GGTLC2: variants seen among roughly 807,000 people sequenced by gnomAD.
GGTLC2 encodes the protein glutathione hydrolase light chain 2.
Under a neutral mutation model 20.2 loss-of-function variants are expected in GGTLC2, and 13 were observed. The observed-to-expected ratio is 0.64, with a 90% CI of 0.42 to 1.02. The LOEUF (loss-of-function observed/expected upper bound fraction) is 1.02, where lower values mean the gene tolerates loss of function less well. Ranked by LOEUF, GGTLC2 falls within the 50% of genes least tolerant of loss-of-function variation. The pLI is 0.00. For missense variants in GGTLC2, 202 were observed against 301.3 expected, an observed-to-expected ratio of 0.67 and a Z score of 2.44; for synonymous variants, 89 against 125.5, an observed-to-expected ratio of 0.71 and a Z score of 1.94.
At position 22,647,085 on chromosome 22, in the gene GGTLC2, C is replaced by A. The variant is rs147969594; in HGVS notation, c.360+47C>A. The A allele has an allele frequency of 1.7e-3, 2,758 of 1,610,910 alleles. 14 individuals carry two copies. The highest frequency in any genetic ancestry group is 4.6e-3 in the African/African-American group (341 of 74,916). On this transcript the variant is annotated intron_variant, in intron 4 of 5. Coordinates refer to ENST00000448514, the MANE Select transcript of GGTLC2 (RefSeq NM_199127.3). ...GCTGGGGGCACACAGATCACCACAG[C>A]CACTGCACTGATATGTGTCACCCCT...
intron 1 of GGTLC2, among the ~76,000 whole-genome samples, chr22:22,645,114 C>T (rs1357644604): frequency 1.2e-5 from 1 of 83,140 alleles, no homozygotes; most frequent in Non-Finnish European, 2.3e-5. Context: ...GGATGATCTC[C>T]ATCTCCTGAC....
At chr22:22,646,706 G>A (rs1317906301) in intron 2 of GGTLC2, 48 bp from the exon 3 acceptor site, 1 of 1,598,372 alleles carries the variant, frequency 6.3e-7, no homozygotes, top group African/African-American at 1.3e-5. Context: ...ATAGGGACCA[G>A]GCTGGGCCAG....
intron 4 of GGTLC2, 40 bp from the exon 5 acceptor site, chr22:22,647,101 T>G (rs1449591336): frequency 6.2e-7 from 1 of 1,611,600 alleles, no homozygotes; most frequent in Non-Finnish European, 8.5e-7. Flanking sequence ...CACTGATATG[T>G]GTCACCCCTT....
chr22:22,646,029 T>G (rs4820511), intron 1 of GGTLC2: 57,380 of 801,620 alleles, frequency 0.072, 3,977 homozygotes, highest in South Asian at 0.24. Context: ...ATTCCCCAGT[T>G]CCAGGCATGC....
chr22:22,645,407 A>T (rs2064030192), intron 1 of GGTLC2, among the ~76,000 whole-genome samples: 1 of 141,446 alleles, frequency 7.1e-6, no homozygotes, highest in African/African-American at 2.6e-5. Context: ...TTATTTATTT[A>T]TTTTTTTTAT....
At chr22:22,646,050 C>G (rs4820513) in intron 1 of GGTLC2, 12 of 1,143,398 alleles carry the variant, frequency 1.0e-5, no homozygotes, top group South Asian at 3.4e-5. Flanking sequence ...AGTGCAAATT[C>G]TAGAAATATT....
At chr22:22,645,802 G>A (rs2064054359) in intron 1 of GGTLC2, among the ~76,000 whole-genome samples, 1 of 151,212 alleles carries the variant, frequency 6.6e-6, no homozygotes, top group Non-Finnish European at 1.5e-5. Flanking sequence ...TCGCTCACCA[G>A]CCTATACCAC....
intron 1 of GGTLC2, among the ~76,000 whole-genome samples, chr22:22,644,913 T>C (rs1176738764): frequency 3.3e-4 from 31 of 95,364 alleles, no homozygotes; most frequent in South Asian, 1.4e-3. Context: ...TTTTTTGAGA[T>C]GGAGTCTCCC....
chr22:22,646,012 C>G (rs1273501807), intron 1 of GGTLC2: 2 of 621,046 alleles, frequency 3.2e-6, no homozygotes, highest in Non-Finnish European at 5.0e-6. Context: ...GTGTCTGTTC[C>G]CTGTTGATTC....
At chr22:22,644,770 C>T (rs1243181160) in intron 1 of GGTLC2, 62 bp downstream of exon 1, 1 of 64,862 alleles carries the variant, frequency 1.5e-5, no homozygotes, top group Non-Finnish European at 2.6e-5. Flanking sequence ...ACAATGGCGG[C>T]AGATCTGCCC....
rs1281119862 is a variant in GGTLC2, at chr22:22,647,754, G to C, written c.*13G>C. On this transcript the variant is annotated 3_prime_UTR_variant, in exon 6 of 6. Transcript: ENST00000448514. ...TGCCGGCTACTGAGTGCTCCAGGAGGACAAGGCTGACAAGCAATCCAGGGA... is the reference window on the plus strand; with the variant it reads ...TGCCGGCTACTGAGTGCTCCAGGAGCACAAGGCTGACAAGCAATCCAGGGA... 55 of 1,569,918 alleles carry C rather than the reference G, an allele frequency of 3.5e-5. No individual in the cohort carries two copies. Among genetic ancestry groups the C allele is most frequent in the Admixed American group, 1.1e-4 (6 of 55,516 alleles).
At position 22,646,364 on chromosome 22, in the gene GGTLC2, G is replaced by T. The variant is rs377189138; in HGVS notation, c.19G>T (p.Ala7Ser). MTSEFF[A>S]AQLRAQISDD... ...CCACAACATGACCTCTGAGTTCTTC[G>T]CTGCCCAGCTCCGGGCCCAGATCTC... is the stretch of plus-strand genomic sequence containing the variant. The change falls in exon 2 of 6, where the codon GCT (alanine) becomes TCT (serine). Residue 7 changes from alanine to serine, a missense_variant. Ala to Ser is a moderately conservative substitution (Grantham distance 99, BLOSUM62 1). Around this residue, in one of 4 missense-constraint regions of GGTLC2, gnomAD observed 44 missense variants for 81.2 expected, o/e 0.54. Transcript: ENST00000448514. 1 of 1,520,488 alleles carries T rather than the reference G, an allele frequency of 6.6e-7. No individual in the cohort carries two copies. Among genetic ancestry groups the T allele is most frequent in the African/African-American group, 1.4e-5 (1 of 70,230 alleles). The allele number at this position is 1,520,488 out of a possible 1,614,324, so 94.2% of individuals were successfully genotyped here.
chr22:22,646,807 T>C lies in GGTLC2; in HGVS notation c.230T>C (p.Met77Thr), dbSNP rs1236740592. The change falls in exon 3 of 6, where the codon ATG becomes ACG. Residue 77 changes from methionine (M) to threonine (T), a missense_variant. Met to Thr is a moderately conservative substitution (Grantham distance 81). Around this residue, in one of 4 missense-constraint regions of GGTLC2, gnomAD observed 71 missense variants for 63.0 expected, o/e 1.13. Transcript: ENST00000448514. ...PVSEILFNDE[M>T]DDFSSPNITN... Reference sequence around the variant, plus strand: ...AGCGAGATCCTGTTCAATGATGAAATGGATGACTTCAGCTCTCCCAACATC... The same window carrying C: ...AGCGAGATCCTGTTCAATGATGAAACGGATGACTTCAGCTCTCCCAACATC... 1 of 1,611,526 alleles carries C rather than the reference T, an allele frequency of 6.2e-7. No homozygotes were observed. The highest frequency in any genetic ancestry group is 1.3e-5 in the African/African-American group (1 of 74,682).
intron 1 of GGTLC2, among the ~76,000 whole-genome samples, 181 bp downstream of exon 1, chr22:22,644,889 T>C (rs1374916504): frequency 1.7e-4 from 12 of 72,090 alleles, no homozygotes; most frequent in South Asian, 8.4e-4. Context: ...TCTCTTTTTT[T>C]TTTTTTTTTT....
At position 22,647,767 on chromosome 22, in the gene GGTLC2, A is replaced by G. The variant is rs1480316816; in HGVS notation, c.*26A>G. 7 of 1,588,178 alleles carry G rather than the reference A, an allele frequency of 4.4e-6. No individual in the cohort carries two copies. Among genetic ancestry groups the G allele is most frequent in the Non-Finnish European group, 6.0e-6 (7 of 1,166,414 alleles). On this transcript the variant is annotated 3_prime_UTR_variant, in exon 6 of 6. Coordinates refer to ENST00000448514, the MANE Select transcript of GGTLC2 (RefSeq NM_199127.3). ...GTGCTCCAGGAGGACAAGGCTGACAAGCAATCCAGGGACAAGATACTCACC... is the reference window on the plus strand; with the variant it reads ...GTGCTCCAGGAGGACAAGGCTGACAGGCAATCCAGGGACAAGATACTCACC...
intron 1 of GGTLC2, chr22:22,645,998 C>A (rs1439046597): frequency 4.0e-6 from 2 of 497,804 alleles, no homozygotes; most frequent in Non-Finnish European, 6.7e-6. Flanking sequence ...AGGGCAGGAC[C>A]TAAGTGTCTG....
Position 22,646,814 on chromosome 22 carries a change from C to G in GGTLC2, c.237C>G (p.Asp79Glu), listed in dbSNP as rs1053329008. ...TCCTGTTCAATGATGAAATGGATGA[C>G]TTCAGCTCTCCCAACATCACCAACG... ...SEILFNDEMD[D>E]FSSPNITNEF... The change falls in exon 3 of 6, where the codon GAC becomes GAG. Residue 79 changes from aspartate to glutamate, a missense_variant. Physicochemically the swap from Asp to Glu is conservative, Grantham distance 45 (BLOSUM62 2). Coordinates refer to ENST00000448514, the MANE Select transcript of GGTLC2 (RefSeq NM_199127.3). The G allele has an allele frequency of 1.2e-6, 2 of 1,613,036 alleles. No homozygotes were observed. Among genetic ancestry groups the G allele is most frequent in the Non-Finnish European group, 1.7e-6 (2 of 1,179,520 alleles).
chr22:22,646,279 T>TCCCCAGGCCC, intron 1 of GGTLC2, 33 bp from the exon 2 acceptor site: 6 of 827,334 alleles, frequency 7.3e-6, no homozygotes, highest in Non-Finnish European at 1.1e-5. Context: ...GAGACCTGTG[T>TCCCCAGGCCC]CCCCTCCCCA....
chr22:22,647,079 C>G (rs762374492), intron 4 of GGTLC2, 41 bp downstream of exon 4: 1 of 1,611,696 alleles, frequency 6.2e-7, no homozygotes, highest in South Asian at 1.1e-5. Flanking sequence ...ACACAGATCA[C>G]CACAGCCACT....
Sources: gnomAD v4.1 joint callset for allele counts (sites outside exome capture counted in the v4.1 genomes callset) on GRCh38, gnomAD v4.1.1 for gene constraint, gnomAD v4.1.1 regional missense constraint, MANE v1.5 for transcripts, NCBI Gene and HGNC (gene_info 2026-07-23, HGNC 2026-07-21) for gene names.